Variants in ZNF365 observed in about 807,000 individuals in gnomAD.
The protein encoded by ZNF365 is protein ZNF365.
A neutral mutation model predicts 35.0 loss-of-function variants in ZNF365; 22 were observed. The ratio of observed to expected loss-of-function variants is 0.63; its 90% CI spans 0.45 to 0.90. ZNF365 has a LOEUF of 0.90. ZNF365 is among the 40% of genes least tolerant of loss of function. ZNF365 has a pLI of 0.00. For missense variants in ZNF365, 448 were observed against 500.3 expected (o/e 0.90, Z 1.00); for synonymous variants, 188 against 196.2 (o/e 0.96, Z 0.35).
intron 3 of ZNF365, among the ~76,000 whole-genome samples, chr10:62,430,320 A>G (rs967396036): frequency 7.0e-6 from 1 of 141,880 alleles, no homozygotes; most frequent in Non-Finnish European, 1.5e-5. Flanking sequence ...AGCTGGGACT[A>G]CAGGTGCCCG....
At position 62,376,956 on chromosome 10, in the gene ZNF365, G is replaced by A; in HGVS notation, c.743+20G>A. On this transcript the variant is annotated intron_variant, in intron 2 of 4. Coordinates refer to ENST00000395254, the MANE Select transcript of ZNF365 (RefSeq NM_014951.3). ...AGAAGAGTAAGTGTTGCTGACAGGG[G>A]ATGCTAACCCCATTGCTTTAAGCAG... is the stretch of plus-strand genomic sequence containing the variant. 1.9e-6 allele frequency: 3 copies of A among 1,598,516 alleles called. No homozygotes were observed. Among genetic ancestry groups the A allele is most frequent in the Non-Finnish European group, 2.6e-6 (3 of 1,172,264 alleles).
At chr10:62,449,587 T>C (rs1180321381) in intron 3 of ZNF365, among the ~76,000 whole-genome samples, 4 of 152,200 alleles carry the variant, frequency 2.6e-5, no homozygotes, top group African/African-American at 7.2e-5. Context: ...TTTTACAATA[T>C]AATATTTGAA....
chr10:62,427,359 T>C (rs974449504), intron 3 of ZNF365, among the ~76,000 whole-genome samples: 6 of 152,166 alleles, frequency 3.9e-5, no homozygotes, highest in African/African-American at 1.4e-4. Context: ...TCCAGTATAG[T>C]AACATGCTGT....
At chr10:62,431,017 A>G (rs1840326204) in intron 3 of ZNF365, among the ~76,000 whole-genome samples, 1 of 152,186 alleles carries the variant, frequency 6.6e-6, no homozygotes, top group South Asian at 2.1e-4. Flanking sequence ...TCCCTTTCAA[A>G]TGGCTCTTAA....
chr10:62,413,756 C>T (rs1318051322), intron 3 of ZNF365, among the ~76,000 whole-genome samples: 3 of 152,196 alleles, frequency 2.0e-5, no homozygotes, highest in African/African-American at 2.4e-5. Flanking sequence ...CCTTTGCATT[C>T]ACCACGAGAA....
At chr10:62,389,350 AC>A (rs1180924749) in intron 3 of ZNF365, among the ~76,000 whole-genome samples, 1 of 151,864 alleles carries the variant, frequency 6.6e-6, no homozygotes, top group Non-Finnish European at 1.5e-5. Flanking sequence ...TATTTTGGAT[AC>A]CCCAAAGCGG....
intron 3 of ZNF365, among the ~76,000 whole-genome samples, chr10:62,448,767 T>C (rs148013071): frequency 6.6e-6 from 1 of 152,164 alleles, no homozygotes; most frequent in Non-Finnish European, 1.5e-5. Context: ...GGATCCATCA[T>C]ATATATGAAA....
chr10:62,406,648 G>T (rs1839909491), downstream of ZNF365, among the ~76,000 whole-genome samples: 1 of 152,204 alleles, frequency 6.6e-6, no homozygotes, highest in African/African-American at 2.4e-5. Flanking sequence ...AGAGGAAGTA[G>T]TGTTTGCAGA....
In ZNF365 at chr10:62,400,377, C is replaced by CTG; in HGVS notation, c.*589_*590insGT. The CTG allele has an allele frequency of 1.0e-6, 1 of 986,198 alleles. No homozygotes were observed. The highest frequency in any genetic ancestry group is 1.2e-6 in the Non-Finnish European group (1 of 830,118). The allele number at this position is 986,198 out of a possible 1,614,324, so 61.1% of individuals were successfully genotyped here. ...GGACTCGTTCAGTCAGACTTCAGTT[C>CTG]TCATTCCGACAGGGTGTCTTTCAGT... On this transcript the variant is annotated 3_prime_UTR_variant, in exon 5 of 5. Coordinates refer to ENST00000395254, the MANE Select transcript of ZNF365 (RefSeq NM_014951.3).
At chr10:62,430,788 G>A (rs1840323147) in intron 3 of ZNF365, among the ~76,000 whole-genome samples, 1 of 152,162 alleles carries the variant, frequency 6.6e-6, no homozygotes, top group African/African-American at 2.4e-5. Context: ...ATAGCTTGCT[G>A]GGTGGAATTT....
chr10:62,439,006 T>C (rs765978363), intron 3 of ZNF365, among the ~76,000 whole-genome samples: 38 of 152,298 alleles, frequency 2.5e-4, no homozygotes, highest in Non-Finnish European at 2.8e-4. Flanking sequence ...AAATAGAAAA[T>C]AGTGCTCATT....
intron 3 of ZNF365, among the ~76,000 whole-genome samples, chr10:62,423,005 T>TC (rs1481230425): frequency 3.3e-5 from 5 of 152,198 alleles, no homozygotes; most frequent in Non-Finnish European, 7.3e-5. Context: ...TGGGCCTCTT[T>TC]CATGGATGGT....
chr10:62,422,246 A>G (rs1164863214), intron 3 of ZNF365, among the ~76,000 whole-genome samples: 4 of 152,180 alleles, frequency 2.6e-5, no homozygotes, highest in Non-Finnish European at 4.4e-5. Context: ...ATCTTGATGA[A>G]ACTTCTAGGG....
chr10:62,447,472 A>G (rs1020847750), intron 3 of ZNF365, among the ~76,000 whole-genome samples: 9 of 152,284 alleles, frequency 5.9e-5, no homozygotes, highest in African/African-American at 2.2e-4. Flanking sequence ...ACACTCTGGC[A>G]TATTCTGTTA....
chr10:62,466,156 C>G (rs919966677), intron 4 of ZNF365, among the ~76,000 whole-genome samples: 1 of 152,212 alleles, frequency 6.6e-6, no homozygotes, highest in Non-Finnish European at 1.5e-5. Flanking sequence ...AAGCCCAGAC[C>G]TTGGGGCTTC....
At chr10:62,380,698 AT>A (rs1300857891) in intron 2 of ZNF365, among the ~76,000 whole-genome samples, 1 of 152,190 alleles carries the variant, frequency 6.6e-6, no homozygotes. Flanking sequence ...AGTCAGTGTG[AT>A]TTTAAAAGTT....
intron 4 of ZNF365, among the ~76,000 whole-genome samples, chr10:62,473,438 C>G (rs112380912): frequency 3.9e-5 from 6 of 152,214 alleles, no homozygotes; most frequent in African/African-American, 1.4e-4. Flanking sequence ...AACCTAGCTC[C>G]TGTTTGTTAA....
chr10:62,420,678 A>T (rs947418398), intron 3 of ZNF365, among the ~76,000 whole-genome samples: 1 of 152,222 alleles, frequency 6.6e-6, no homozygotes, highest in African/African-American at 2.4e-5. Flanking sequence ...AGTGAACTTG[A>T]AAATAAAGGG....
intron 4 of ZNF365, among the ~76,000 whole-genome samples, chr10:62,471,750 C>G (rs1386886714): frequency 1.3e-5 from 2 of 152,198 alleles, no homozygotes; most frequent in African/African-American, 2.4e-5. Flanking sequence ...CTACAAGTCA[C>G]ACTCATAACG....
Sources: allele counts gnomAD v4.1 joint callset (sites outside exome capture counted in the v4.1 genomes callset), GRCh38; gene constraint gnomAD v4.1.1; transcripts MANE v1.5; gene names NCBI Gene and HGNC (gene_info 2026-07-23, HGNC 2026-07-21).